The following CHST9 variants were observed in gnomAD, a reference collection of about 807,000 sequenced individuals.
CHST9 encodes GalNAc-4-sulfotransferase 2.
Under a neutral mutation model 44.4 loss-of-function variants are expected in CHST9, and 41 were observed. That is an observed-to-expected ratio of 0.92 (90% confidence interval 0.72 to 1.20). The LOEUF is 1.20. CHST9 is among the 50% of genes most tolerant of loss of function. CHST9 has a pLI of 0.00. For synonymous variants in CHST9, 171 were observed against 178.4 expected (o/e 0.96, Z 0.33); for missense variants, 504 against 516.5 (o/e 0.98, Z 0.23).
chr18:27,177,636 C>A (rs1030493013), intron 1 of CHST9, among the ~76,000 whole-genome samples: 2 of 151,920 alleles, frequency 1.3e-5, no homozygotes, highest in African/African-American at 4.8e-5. Flanking sequence ...ACCACATTAG[C>A]TGGGTATATT....
At chr18:27,105,298 C>T (rs1247155404) in intron 2 of CHST9, among the ~76,000 whole-genome samples, 1 of 152,122 alleles carries the variant, frequency 6.6e-6, no homozygotes, top group African/African-American at 2.4e-5. Context: ...ACTCTACTTG[C>T]CTTAAAGAAA....
rs184498051 is a variant in CHST9, at chr18:26,970,677, C to G, written c.203-26311G>C. On this transcript the variant is annotated intron_variant, in intron 4 of 5. Coordinates refer to ENST00000618847, the MANE Select transcript of CHST9 (RefSeq NM_031422.6). ...TTCTGGGCCCAGGTGATCCTCCTGT[C>G]TCGGCCTCCCAAAGTGCTGGGATTA... Among the ~76,000 whole-genome samples the G allele has an allele frequency of 1.2e-4, 18 of 152,334 alleles. No homozygotes were observed. The East Asian group carries it at 3.5e-3, about 29-fold the overall frequency.
chr18:27,183,950 GATGTGTAT>G (rs2058934003), intron 1 of CHST9, among the ~76,000 whole-genome samples: 1 of 152,146 alleles, frequency 6.6e-6, no homozygotes, highest in Non-Finnish European at 1.5e-5. Flanking sequence ...AATGCATTTG[GATGTGTAT>G]ATGTGAGTTG....
intron 2 of CHST9, among the ~76,000 whole-genome samples, chr18:27,061,518 T>C (rs1447330944): frequency 6.6e-6 from 1 of 152,160 alleles, no homozygotes; most frequent in Non-Finnish European, 1.5e-5. Flanking sequence ...CAGGTGTCTG[T>C]ATATGGCATC....
chr18:27,011,953 C>A (rs2057090269), intron 4 of CHST9, among the ~76,000 whole-genome samples: 1 of 152,182 alleles, frequency 6.6e-6, no homozygotes, highest in African/African-American at 2.4e-5. Flanking sequence ...TGCCTTTGCC[C>A]TTTGCAACAT....
intron 2 of CHST9, among the ~76,000 whole-genome samples, chr18:27,104,376 C>T (rs2058202259): frequency 6.6e-6 from 1 of 152,178 alleles, no homozygotes; most frequent in Admixed American, 6.5e-5. Context: ...GGTTCTTTGC[C>T]TGCTTTGCAT....
chr18:27,096,937 T>A (rs1173457797), intron 2 of CHST9, among the ~76,000 whole-genome samples: 1 of 152,004 alleles, frequency 6.6e-6, no homozygotes, highest in Admixed American at 6.6e-5. Context: ...GAAGCCAGCA[T>A]CCCTCTGATA....
chr18:27,139,411 C>T (rs895752581), intron 2 of CHST9, among the ~76,000 whole-genome samples: 3 of 151,906 alleles, frequency 2.0e-5, no homozygotes, highest in African/African-American at 7.2e-5. Context: ...CATCAAAGCA[C>T]ATATTCATAT....
At chr18:27,077,982 G>C (rs1037605993) in intron 2 of CHST9, among the ~76,000 whole-genome samples, 1 of 152,070 alleles carries the variant, frequency 6.6e-6, no homozygotes, top group East Asian at 1.9e-4. Flanking sequence ...GAGCATGAAG[G>C]GGGAGGTGCC....
chr18:27,010,627 T>C (rs1010593471), intron 4 of CHST9, among the ~76,000 whole-genome samples: 1 of 152,332 alleles, frequency 6.6e-6, no homozygotes, highest in East Asian at 1.9e-4. Flanking sequence ...AACATGAAGA[T>C]AATAATGTCA....
intron 2 of CHST9, among the ~76,000 whole-genome samples, chr18:27,061,911 G>A (rs888275998): frequency 6.6e-6 from 1 of 152,086 alleles, no homozygotes; most frequent in African/African-American, 2.4e-5. Flanking sequence ...CAAGCATGTC[G>A]AAACCCATTG....
chr18:27,025,519 A>G (rs2057276251), intron 3 of CHST9, among the ~76,000 whole-genome samples: 1 of 152,096 alleles, frequency 6.6e-6, no homozygotes, highest in Admixed American at 6.6e-5. Context: ...ATGATATGCT[A>G]TTCTGTTTTT....
At chr18:27,052,962 C>T (rs1354844545) in intron 2 of CHST9, among the ~76,000 whole-genome samples, 5 of 151,652 alleles carry the variant, frequency 3.3e-5, no homozygotes, top group Non-Finnish European at 2.9e-5. Flanking sequence ...ATGACAAATA[C>T]CTAGTGCATG....
At chr18:27,182,801 A>C (rs567528946) in intron 1 of CHST9, among the ~76,000 whole-genome samples, 1 of 152,298 alleles carries the variant, frequency 6.6e-6, no homozygotes, top group Admixed American at 6.5e-5. Context: ...ATAACAGGTA[A>C]ACATGTTATT....
intron 4 of CHST9, among the ~76,000 whole-genome samples, chr18:26,985,711 T>A (rs2056747081): frequency 6.6e-6 from 1 of 152,184 alleles, no homozygotes; most frequent in Admixed American, 6.5e-5. Flanking sequence ...CATGCATATG[T>A]CATAATGACC....
intron 2 of CHST9, among the ~76,000 whole-genome samples, chr18:27,066,256 AC>A (rs1177821495): frequency 6.6e-6 from 1 of 152,100 alleles, no homozygotes; most frequent in African/African-American, 2.4e-5. Context: ...CAGCATTTGG[AC>A]CCTCTCTCTT....
chr18:27,102,536 A>C (rs1158255026), intron 2 of CHST9, among the ~76,000 whole-genome samples: 1 of 152,230 alleles, frequency 6.6e-6, no homozygotes, highest in East Asian at 1.9e-4. Flanking sequence ...TTTTCTATGC[A>C]CATGTAGCAT....
At chr18:26,932,231 C>T (rs1415135130) in intron 5 of CHST9, among the ~76,000 whole-genome samples, 1 of 152,180 alleles carries the variant, frequency 6.6e-6, no homozygotes, top group Non-Finnish European at 1.5e-5. Flanking sequence ...TGATATAAGT[C>T]AGCACTGCCT....
intron 4 of CHST9, among the ~76,000 whole-genome samples, chr18:26,999,992 A>C (rs2056930121): frequency 6.6e-6 from 1 of 152,246 alleles, no homozygotes; most frequent in East Asian, 1.9e-4. Flanking sequence ...TAAATACAAG[A>C]GAACCACGTA....
Sources: allele counts gnomAD v4.1 joint callset (sites outside exome capture counted in the v4.1 genomes callset), GRCh38; gene constraint gnomAD v4.1.1; transcripts MANE v1.5; gene names NCBI Gene and HGNC (gene_info 2026-07-23, HGNC 2026-07-21).